The following NRXN3 variants were observed in gnomAD, a reference collection of about 807,000 sequenced individuals.
The protein encoded by NRXN3 is neurexin III.
Under a neutral mutation model 137.6 loss-of-function variants are expected in NRXN3, and 32 were observed. The observed-to-expected ratio is 0.23, with a 90% CI of 0.18 to 0.31. The LOEUF (loss-of-function observed/expected upper bound fraction) is 0.31, where lower values mean the gene tolerates loss of function less well. Among genes scored for constraint, NRXN3 ranks in the 10% least tolerant of loss-of-function variants. The probability of loss-of-function intolerance (pLI) is 1.00; values close to 1 mark genes in which losing one functional copy is unlikely to be tolerated. For synonymous variants in NRXN3, 798 were observed against 784.5 expected (o/e 1.02, Z -0.29); for missense variants, 1,574 against 2,062.5 (o/e 0.76, Z 4.59).
intron 7 of NRXN3, among the ~76,000 whole-genome samples, chr14:78,713,122 A>G (rs956468925): frequency 6.6e-6 from 1 of 152,200 alleles, no homozygotes; most frequent in Non-Finnish European, 1.5e-5. Context: ...ATTGAGCCAT[A>G]AAGTGGTTCA....
chr14:78,652,261 T>C (rs769877605), intron 6 of NRXN3, among the ~76,000 whole-genome samples: 4 of 152,254 alleles, frequency 2.6e-5, no homozygotes, highest in African/African-American at 4.8e-5. Context: ...TCTTCTTCCC[T>C]GAGAGCTAGT....
intron 20 of NRXN3, among the ~76,000 whole-genome samples, chr14:79,838,136 T>C (rs971311432): frequency 1.3e-5 from 2 of 152,140 alleles, no homozygotes; most frequent in Non-Finnish European, 2.9e-5. Context: ...CTAACCTACA[T>C]GATTTTACAA....
intron 6 of NRXN3, among the ~76,000 whole-genome samples, chr14:78,663,051 T>C (rs2097853657): frequency 6.6e-6 from 1 of 152,194 alleles, no homozygotes; most frequent in Non-Finnish European, 1.5e-5. Flanking sequence ...CAAAAAAGCT[T>C]ATGAGCTGGA....
At chr14:78,453,689 G>A (rs1414031993) in intron 4 of NRXN3, among the ~76,000 whole-genome samples, 6 of 152,178 alleles carry the variant, frequency 3.9e-5, no homozygotes, top group Non-Finnish European at 7.4e-5. Flanking sequence ...AGATGATCGA[G>A]TTAACGTGAG....
At chr14:78,804,191 C>A (rs1202320642) in intron 9 of NRXN3, among the ~76,000 whole-genome samples, 1 of 152,204 alleles carries the variant, frequency 6.6e-6, no homozygotes, top group Non-Finnish European at 1.5e-5. Context: ...ACAGTCACAG[C>A]TGAGGTCAGG....
chr14:78,909,772 A>G (rs552846271), intron 10 of NRXN3, among the ~76,000 whole-genome samples: 1 of 152,272 alleles, frequency 6.6e-6, no homozygotes, highest in African/African-American at 2.4e-5. Context: ...CACTTGATGG[A>G]ACTTATGTTG....
intron 2 of NRXN3, among the ~76,000 whole-genome samples, chr14:78,247,394 T>A (rs1318817038): frequency 6.6e-6 from 1 of 152,192 alleles, no homozygotes; most frequent in Admixed American, 6.5e-5. Flanking sequence ...GACTGTTAGC[T>A]CTGGCCGCGG....
intron 15 of NRXN3, among the ~76,000 whole-genome samples, chr14:79,132,618 A>G (rs1367654176): frequency 1.3e-5 from 2 of 152,194 alleles, no homozygotes; most frequent in Non-Finnish European, 2.9e-5. Context: ...TAGATCGTTT[A>G]TTAGCTTAGG....
At chr14:78,370,979 A>G (rs1348331525) in intron 4 of NRXN3, among the ~76,000 whole-genome samples, 1 of 152,210 alleles carries the variant, frequency 6.6e-6, no homozygotes, top group Non-Finnish European at 1.5e-5. Context: ...CTGATTTTCC[A>G]AGAGCTTATA....
intron 4 of NRXN3, among the ~76,000 whole-genome samples, chr14:78,420,245 A>AT (rs1435621732): frequency 1.3e-5 from 2 of 152,296 alleles, no homozygotes; most frequent in East Asian, 1.9e-4. Flanking sequence ...ACAAATATAT[A>AT]TTTTTTAAAT....
chr14:78,793,956 C>T (rs1291193929), intron 8 of NRXN3, among the ~76,000 whole-genome samples: 2 of 152,042 alleles, frequency 1.3e-5, no homozygotes, highest in Non-Finnish European at 2.9e-5. Context: ...TTGAGTTAAC[C>T]CTTTCTTACA....
intron 10 of NRXN3, among the ~76,000 whole-genome samples, chr14:78,952,449 T>C (rs1393915297): frequency 6.6e-6 from 1 of 152,162 alleles, no homozygotes; most frequent in Non-Finnish European, 1.5e-5. Flanking sequence ...CATCCCTGCT[T>C]TTACTTGCCT....
intron 4 of NRXN3, among the ~76,000 whole-genome samples, chr14:78,431,884 C>T (rs2093893176): frequency 1.3e-5 from 2 of 151,904 alleles, no homozygotes; most frequent in Non-Finnish European, 2.9e-5. Context: ...TATTATTATC[C>T]CCACTTTGCA....
chr14:79,069,571 A>C (rs2099684953), intron 15 of NRXN3, among the ~76,000 whole-genome samples: 1 of 152,014 alleles, frequency 6.6e-6, no homozygotes, highest in Admixed American at 6.6e-5. Flanking sequence ...TATAAAAAAA[A>C]AAAAAGGTCA....
chr14:79,728,421 A>G (rs1568030484), intron 19 of NRXN3, among the ~76,000 whole-genome samples: 1 of 152,242 alleles, frequency 6.6e-6, no homozygotes, highest in East Asian at 1.9e-4. Context: ...CTCCCAGGAG[A>G]TAGCTCCCTT....
At chr14:79,396,770 CAG>C (rs1011571164) in intron 15 of NRXN3, among the ~76,000 whole-genome samples, 4 of 152,138 alleles carry the variant, frequency 2.6e-5, no homozygotes, top group Admixed American at 2.6e-4. Context: ...TGATTAATGT[CAG>C]AGGGAAGGGT....
chr14:79,434,013 G>A (rs1225883326), intron 15 of NRXN3, among the ~76,000 whole-genome samples: 1 of 152,118 alleles, frequency 6.6e-6, no homozygotes, highest in Non-Finnish European at 1.5e-5. Flanking sequence ...CTAAGGAATG[G>A]CACCCAGGAA....
At chr14:78,794,509 C>T (rs147332919) in intron 8 of NRXN3, among the ~76,000 whole-genome samples, 20 of 152,012 alleles carry the variant, frequency 1.3e-4, no homozygotes, top group Non-Finnish European at 2.5e-4. Context: ...AGTTGAAATT[C>T]GGAGTTTTTT....
intron 19 of NRXN3, among the ~76,000 whole-genome samples, chr14:79,773,358 G>A (rs1253665631): frequency 5.3e-5 from 8 of 152,026 alleles, no homozygotes; most frequent in Admixed American, 2.0e-4. Flanking sequence ...ATTCACAACA[G>A]CAAAGACTTG....
Sources: allele counts gnomAD v4.1 joint callset (sites outside exome capture counted in the v4.1 genomes callset), GRCh38; gene constraint gnomAD v4.1.1; transcripts MANE v1.5; gene names NCBI Gene and HGNC (gene_info 2026-07-23, HGNC 2026-07-21).